Variants in IRAG1 observed in about 807,000 individuals in gnomAD.
IRAG1 encodes inositol 1,4,5-triphosphate receptor associated 1.
Under a neutral mutation model 106.2 loss-of-function variants are expected in IRAG1, and 62 were observed. The ratio of observed to expected loss-of-function variants is 0.58; its 90% CI spans 0.48 to 0.72. The LOEUF is 0.72. IRAG1 is among the 30% of genes least tolerant of loss of function. IRAG1 has a pLI of 0.00. For synonymous variants in IRAG1, 462 were observed against 443.9 expected (o/e 1.04, Z -0.51); for missense variants, 1,064 against 1,140.7 (o/e 0.93, Z 0.97).
intron 18 of IRAG1, among the ~76,000 whole-genome samples, chr11:10,586,987 G>A (rs1852080175): frequency 6.6e-6 from 1 of 152,206 alleles, no homozygotes; most frequent in South Asian, 2.1e-4. Flanking sequence ...CCCAGTGTTT[G>A]GGTTGGACTA....
chr11:10,576,146 C>T lies in IRAG1; in HGVS notation c.*186G>A. 1 of 740,938 alleles carries T rather than the reference C, an allele frequency of 1.3e-6. No homozygotes were observed. Among genetic ancestry groups the T allele is most frequent in the Non-Finnish European group, 2.1e-6 (1 of 469,764 alleles). 45.9% of individuals were successfully genotyped at this position (740,938 alleles called of 1,614,324 possible). A position where few individuals can be genotyped will look rare whatever the true frequency, so the allele number is the denominator to read the frequency against. On this transcript the variant is annotated 3_prime_UTR_variant, in exon 21 of 21. Transcript: ENST00000423302. Reference sequence around the variant, plus strand: ...CTTTCCCAGGGCAGTTTTGTTGATCCTCCAAGAACATCAAGTCACTGTGTA... The same window carrying T: ...CTTTCCCAGGGCAGTTTTGTTGATCTTCCAAGAACATCAAGTCACTGTGTA...
chr11:10,604,177 G>C (rs887218796), intron 13 of IRAG1, among the ~76,000 whole-genome samples: 6 of 152,216 alleles, frequency 3.9e-5, no homozygotes, highest in African/African-American at 1.4e-4. Context: ...GCCCCCTTCT[G>C]AGAAGCTCCC....
At chr11:10,663,506 T>A (rs1344196407) in intron 1 of IRAG1, among the ~76,000 whole-genome samples, 1 of 152,164 alleles carries the variant, frequency 6.6e-6, no homozygotes, top group Non-Finnish European at 1.5e-5. Flanking sequence ...TCCTATGTGT[T>A]AGGTACTGTG....
At chr11:10,690,519 T>G (rs1861978128) in intron 1 of IRAG1, 1 of 1,172,510 alleles carries the variant, frequency 8.5e-7, no homozygotes, top group Non-Finnish European at 1.1e-6. Context: ...GGCCCATTTG[T>G]GAGGCTGCCC....
At chr11:10,591,478 G>A (rs1219418078) in intron 18 of IRAG1, 70 bp downstream of exon 18, 2 of 1,347,498 alleles carry the variant, frequency 1.5e-6, no homozygotes, top group African/African-American at 1.5e-5. Flanking sequence ...AAAAATGGGA[G>A]GAAGGAAAGT....
At chr11:10,690,510 G>C (rs1226075895) in intron 1 of IRAG1, 8 of 1,187,114 alleles carry the variant, frequency 6.7e-6, no homozygotes, top group Non-Finnish European at 8.5e-6. Flanking sequence ...GAATTTGAAG[G>C]CCCATTTGTG....
chr11:10,597,637 G>A (rs552312715), intron 15 of IRAG1, among the ~76,000 whole-genome samples: 19 of 152,268 alleles, frequency 1.2e-4, no homozygotes, highest in South Asian at 1.0e-3. Context: ...GATTACAGAC[G>A]TGAGCCACTG....
Position 10,609,728 on chromosome 11 carries a change from C to T in IRAG1, c.1571G>A (p.Ser524Asn). 6.2e-7 allele frequency: 1 copy of T among 1,613,568 alleles called. No homozygotes were observed. The highest frequency in any genetic ancestry group is 8.5e-7 in the Non-Finnish European group (1 of 1,179,694). The change falls in exon 11 of 21, where the codon AGT becomes AAT. Residue 524 changes from serine (S) to asparagine (N), a missense_variant and splice_region_variant. Coordinates refer to ENST00000423302, the MANE Select transcript of IRAG1 (RefSeq NM_130385.4). ...KLRVHRSLPG[S>N]APPLTEKEVE... ...TCTGTAACCCACATCCTGATTTTACCTTCCAGGGAGACTCCTGTGGACCCG... is the reference window on the plus strand; with the variant it reads ...TCTGTAACCCACATCCTGATTTTACTTTCCAGGGAGACTCCTGTGGACCCG...
chr11:10,632,190 C>CTTTTTTTTTT (rs35138815), intron 3 of IRAG1, 129 bp from the exon 4 acceptor site: 1 of 524,066 alleles, frequency 1.9e-6, no homozygotes, highest in Non-Finnish European at 3.2e-6. Flanking sequence ...TTCTTTCTTT[C>CTTTTTTTTTT]TTTTTTTTTT....
intron 17 of IRAG1, 132 bp from the exon 18 acceptor site, chr11:10,591,744 T>C: frequency 1.2e-6 from 1 of 820,594 alleles, no homozygotes; most frequent in Non-Finnish European, 2.0e-6. Context: ...CACTTTCCAA[T>C]CTTCATCTGA....
intron 1 of IRAG1, among the ~76,000 whole-genome samples, chr11:10,682,973 T>C (rs1861381587): frequency 6.6e-6 from 1 of 152,194 alleles, no homozygotes; most frequent in Non-Finnish European, 1.5e-5. Context: ...ACTGGGCCTG[T>C]GGCCTGGGCA....
intron 1 of IRAG1, among the ~76,000 whole-genome samples, chr11:10,679,849 G>C (rs1258992608): frequency 1.3e-5 from 2 of 152,222 alleles, no homozygotes; most frequent in African/African-American, 4.8e-5. Context: ...TGTCTTGCAG[G>C]ACATCTCAGA....
intron 17 of IRAG1, 82 bp downstream of exon 17, chr11:10,593,408 GTC>G: frequency 6.0e-6 from 7 of 1,159,332 alleles, no homozygotes; most frequent in Non-Finnish European, 7.4e-6. Flanking sequence ...CCCCCATTTG[GTC>G]ACCCTCCCTG....
intron 1 of IRAG1, among the ~76,000 whole-genome samples, chr11:10,689,239 T>C (rs912162810): frequency 6.6e-6 from 1 of 152,140 alleles, no homozygotes; most frequent in Non-Finnish European, 1.5e-5. Flanking sequence ...TGAAGGCATA[T>C]GAGGCTTAAA....
intron 3 of IRAG1, among the ~76,000 whole-genome samples, chr11:10,632,550 TCTGA>T (rs2134647723): frequency 6.6e-6 from 1 of 152,324 alleles, no homozygotes; most frequent in South Asian, 2.1e-4. Context: ...CGAGGGTTTC[TCTGA>T]CTCTCAACTT....
rs1339443018 is a variant in IRAG1 at position 10,665,636 on chromosome 11, A to G, written c.68-13454T>C. On this transcript the variant is annotated intron_variant, in intron 1 of 20. Transcript: ENST00000423302. The surrounding 1 kb of genome is among the most constrained non-coding windows in gnomAD (Gnocchi z 4.2). ...CGGGACAATGATTGGCTGTGTGAAC[A>G]GGCTCGCAGCCCTGTGCTTGGAACC... Among the ~76,000 whole-genome samples the G allele has an allele frequency of 6.6e-6, 1 of 152,164 alleles. No homozygotes were observed. Among genetic ancestry groups the G allele is most frequent in the Non-Finnish European group, 1.5e-5 (1 of 68,036 alleles).
chr11:10,623,892 G>C, intron 9 of IRAG1, 36 bp from the exon 10 acceptor site: 1 of 1,574,100 alleles, frequency 6.4e-7, no homozygotes, highest in Non-Finnish European at 8.7e-7. Context: ...AATTTCAGAT[G>C]ATGACACTGG....
intron 1 of IRAG1, chr11:10,687,387 G>A (rs1307263412): frequency 1.2e-5 from 2 of 170,720 alleles, no homozygotes; most frequent in East Asian, 1.7e-4. Context: ...TGCTTTCAGG[G>A]GACACACATT....
At chr11:10,648,648 G>A (rs34873421) in intron 2 of IRAG1, among the ~76,000 whole-genome samples, 1 of 152,108 alleles carries the variant, frequency 6.6e-6, no homozygotes, top group Non-Finnish European at 1.5e-5. Context: ...TCTTCCCTTT[G>A]AGTCTCTCCC....
Sources: allele counts gnomAD v4.1 joint callset (sites outside exome capture counted in the v4.1 genomes callset), GRCh38; gene constraint gnomAD v4.1.1; non-coding constraint Gnocchi (gnomAD v3.1); transcripts MANE v1.5; gene names NCBI Gene and HGNC (gene_info 2026-07-23, HGNC 2026-07-21).